CLTCL1: variants seen among roughly 807,000 people sequenced by gnomAD.
CLTCL1 encodes clathrin heavy chain like 1, also known as clathrin heavy chain 2.
A neutral mutation model predicts 190.0 loss-of-function variants in CLTCL1; 159 were observed. The ratio of observed to expected loss-of-function variants is 0.84; its 90% confidence interval spans 0.74 to 0.95. The LOEUF (loss-of-function observed/expected upper bound fraction) is 0.95, where lower values mean the gene tolerates loss of function less well. Among genes scored for constraint, CLTCL1 ranks in the 40% least tolerant of loss-of-function variants. The pLI is 0.00. For missense variants in CLTCL1, 1,878 were observed against 2,033.4 expected (o/e 0.92, Z 1.47); for synonymous variants, 752 against 769.6 (o/e 0.98, Z 0.38).
intron 1 of CLTCL1, among the ~76,000 whole-genome samples, chr22:19,280,523 TA>T (rs1183100171): frequency 2.0e-5 from 3 of 150,498 alleles, no homozygotes; most frequent in African/African-American, 7.3e-5. Flanking sequence ...TTATGCTAAG[TA>T]AAAAAAAACC....
rs782012995 is a variant in CLTCL1, at chr22:19,180,193, A to G, written c.*20+6T>C. On this transcript the variant is annotated splice_donor_region_variant and intron_variant, in intron 32 of 32. Transcript: ENST00000427926. ...GGATAAGCTAGTCTCCAAATGGGAC[A>G]CTTACTTAGTGCAATCAGCTGGGTC... is the stretch of plus-strand genomic sequence containing the variant. The G allele has an allele frequency of 3.1e-6, 5 of 1,613,182 alleles. No homozygotes were observed. Among genetic ancestry groups the G allele is most frequent in the Non-Finnish European group, 4.2e-6 (5 of 1,179,282 alleles).
At chr22:19,180,349 A>C in intron 31 of CLTCL1, 111 bp from the exon 32 acceptor site, 2 of 1,201,358 alleles carry the variant, frequency 1.7e-6, no homozygotes, top group Non-Finnish European at 2.4e-6. Flanking sequence ...TGTTTGCCCC[A>C]CAGTGTCCAA....
intron 10 of CLTCL1, among the ~76,000 whole-genome samples, chr22:19,232,054 T>G (rs2085931695): frequency 6.6e-6 from 1 of 152,188 alleles, no homozygotes; most frequent in African/African-American, 2.4e-5. Flanking sequence ...AAAAACAGGC[T>G]GATGCTCACG....
chr22:19,241,941 C>CT lies in CLTCL1; in HGVS notation c.681+833dup, dbSNP rs35692303. ...AGAGCAGAAACTGTGCCTCATCTAC[C>CT]TTTTTTTTTTTTTTTTTTGGAGATG... On this transcript the variant is annotated intron_variant, in intron 4 of 32. Coordinates refer to ENST00000427926, the MANE Select transcript of CLTCL1 (RefSeq NM_007098.4). 8.3e-3 allele frequency among the ~76,000 whole-genome samples: 1,157 copies of CT among 139,070 alleles called. 12 individuals are homozygous for CT. The highest frequency in any genetic ancestry group is 0.018 in the African/African-American group (653 of 37,206). The allele number at this position is 139,070 out of a possible 152,430, so 91.2% of individuals were successfully genotyped here. A position where few individuals can be genotyped will look rare whatever the true frequency, so the allele number is the denominator to read the frequency against.
At chr22:19,191,248 G>T (rs1302501938) in intron 27 of CLTCL1, 56 bp downstream of exon 27, 1 of 1,601,158 alleles carries the variant, frequency 6.2e-7, no homozygotes, top group South Asian at 1.1e-5. Flanking sequence ...TCATTCAGAT[G>T]ACTTTGTTAG....
intron 2 of CLTCL1, among the ~76,000 whole-genome samples, chr22:19,264,502 C>A (rs1295913717): frequency 6.6e-6 from 1 of 152,026 alleles, no homozygotes; most frequent in Non-Finnish European, 1.5e-5. Flanking sequence ...ATGTTAACAG[C>A]GGAATTATTT....
chr22:19,240,742 G>A (rs2086227420), intron 4 of CLTCL1, among the ~76,000 whole-genome samples: 1 of 152,190 alleles, frequency 6.6e-6, no homozygotes, highest in South Asian at 2.1e-4. Context: ...AGTCAGATGT[G>A]GGACTTGTTA....
At chr22:19,242,712 G>T in intron 4 of CLTCL1, 63 bp downstream of exon 4, 1 of 1,575,842 alleles carries the variant, frequency 6.3e-7, no homozygotes, top group Non-Finnish European at 8.7e-7. Context: ...CCACACACAC[G>T]CACACCCCTA....
At chr22:19,201,515 G>A (rs781893733) in intron 22 of CLTCL1, 22 bp from the exon 23 acceptor site, 5 of 1,598,156 alleles carry the variant, frequency 3.1e-6, no homozygotes, top group South Asian at 2.2e-5. Context: ...AGGGTAGCTC[G>A]ACTGAGACAC....
At chr22:19,233,759 A>G (rs2085991212) in intron 7 of CLTCL1, 137 bp from the exon 8 acceptor site, 1 of 715,244 alleles carries the variant, frequency 1.4e-6, no homozygotes, top group Non-Finnish European at 2.3e-6. Context: ...GTCCTCTACC[A>G]AGGCAACTGC....
At chr22:19,241,320 C>T (rs2086247003) in intron 4 of CLTCL1, among the ~76,000 whole-genome samples, 1 of 152,350 alleles carries the variant, frequency 6.6e-6, no homozygotes, top group Non-Finnish European at 1.5e-5. Flanking sequence ...GGAGGCCTGT[C>T]GCTGCCCTGC....
intron 15 of CLTCL1, 111 bp downstream of exon 15, chr22:19,222,573 C>T (rs1256129703): frequency 3.7e-6 from 5 of 1,335,694 alleles, no homozygotes; most frequent in Non-Finnish European, 5.1e-6. Flanking sequence ...CACCACCCTT[C>T]AAAATGATAG....
intron 22 of CLTCL1, among the ~76,000 whole-genome samples, chr22:19,206,121 T>C (rs1178822777): frequency 1.3e-5 from 2 of 152,152 alleles, no homozygotes; most frequent in African/African-American, 4.8e-5. Context: ...AGATGGGGTT[T>C]CTCCATTTTG....
In CLTCL1 at chr22:19,194,444, T is replaced by C. The variant is rs534934931; in HGVS notation, c.4191+1822A>G. 2.8e-4 allele frequency among the ~76,000 whole-genome samples: 42 copies of C among 152,288 alleles called. 1 individual carries two copies. The South Asian group carries it at 4.1e-3, about 15-fold the overall frequency. ...TTGCAGTGAGCCAAGATCGCGCCAC[T>C]GCACTCCAGCCTGAGTGACAGAGTG... On this transcript the variant is annotated intron_variant, in intron 26 of 32. Coordinates refer to ENST00000427926, the MANE Select transcript of CLTCL1 (RefSeq NM_007098.4).
chr22:19,251,603 C>T (rs1555970047), intron 3 of CLTCL1, among the ~76,000 whole-genome samples: 1 of 152,158 alleles, frequency 6.6e-6, no homozygotes, highest in Non-Finnish European at 1.5e-5. Context: ...ACTACAGGCG[C>T]CCGCCACCGT....
intron 6 of CLTCL1, among the ~76,000 whole-genome samples, chr22:19,235,001 C>CT (rs1555961279): frequency 6.6e-6 from 1 of 152,128 alleles, no homozygotes; most frequent in East Asian, 1.9e-4. Context: ...TCTTCTTAAA[C>CT]TTTTTATTTT....
chr22:19,233,322 TG>T lies in CLTCL1; in HGVS notation c.1369-5del. On this transcript the variant is annotated splice_polypyrimidine_tract_variant and splice_region_variant and intron_variant, in intron 8 of 32. Transcript: ENST00000427926. ...CGAGCTCCTCTGAGCACTCCAGCTG[TG>T]GTATGCCAAGGGACAAGGCAAAGTT... 6.2e-7 allele frequency: 1 copy of T among 1,611,662 alleles called. No homozygotes were observed. Among genetic ancestry groups the T allele is most frequent in the South Asian group, 1.1e-5 (1 of 91,048 alleles).
chr22:19,263,404 A>ATTTATT (rs1186178479), intron 2 of CLTCL1, among the ~76,000 whole-genome samples: 8 of 151,314 alleles, frequency 5.3e-5, no homozygotes, highest in Admixed American at 2.6e-4. Context: ...GCCATAAATT[A>ATTTATT]TTTATTTTTA....
rs551302697 is a variant in CLTCL1 at position 19,211,728 on chromosome 22, C to G, written c.3066-1219G>C. 2.7e-5 allele frequency among the ~76,000 whole-genome samples: 4 copies of G among 146,442 alleles called. No individual in the cohort carries two copies. In the East Asian group the frequency reaches 8.1e-4, roughly 30 times the overall value. ...GTTGCAGTGAGCTGAGATTGCGCCA[C>G]TGCACTCCAGCCTGGGCGACAGAGC... On this transcript the variant is annotated intron_variant, in intron 19 of 32. Coordinates refer to ENST00000427926, the MANE Select transcript of CLTCL1 (RefSeq NM_007098.4).
Sources: gnomAD v4.1 joint callset for allele counts (sites outside exome capture counted in the v4.1 genomes callset) on GRCh38, gnomAD v4.1.1 for gene constraint, MANE v1.5 for transcripts, NCBI Gene and HGNC (gene_info 2026-07-23, HGNC 2026-07-21) for gene names.